PCSK2: variants seen among roughly 807,000 people sequenced by gnomAD.
PCSK2 encodes proprotein convertase subtilisin/kexin type 2, also known as neuroendocrine convertase 2.
Under a neutral mutation model 69.7 loss-of-function variants are expected in PCSK2, and 14 were observed. The ratio of observed to expected loss-of-function variants is 0.20; its 90% CI spans 0.13 to 0.31. The LOEUF (loss-of-function observed/expected upper bound fraction) is 0.31, where lower values mean the gene tolerates loss of function less well. PCSK2 is among the 10% of genes least tolerant of loss of function. PCSK2 has a pLI of 1.00. For synonymous variants in PCSK2, 307 were observed against 320.7 expected (o/e 0.96, Z 0.46); for missense variants, 544 against 842.5 (o/e 0.65, Z 4.39).
chr20:17,323,282 C>A (rs575494575), intron 2 of PCSK2, among the ~76,000 whole-genome samples: 1 of 152,164 alleles, frequency 6.6e-6, no homozygotes. Context: ...AGGACACAGA[C>A]GCACACAGAG....
intron 6 of PCSK2, among the ~76,000 whole-genome samples, chr20:17,426,185 C>T (rs1052352289): frequency 6.6e-6 from 1 of 152,016 alleles, no homozygotes; most frequent in African/African-American, 2.4e-5. Context: ...GTCAGTTTCC[C>T]CCATGCGGTT....
intron 2 of PCSK2, among the ~76,000 whole-genome samples, chr20:17,267,723 G>A (rs1291639896): frequency 6.6e-6 from 1 of 152,052 alleles, no homozygotes; most frequent in Admixed American, 6.6e-5. Flanking sequence ...CTTCCTAAAG[G>A]AAAAGTGGGA....
intron 5 of PCSK2, among the ~76,000 whole-genome samples, chr20:17,378,167 A>G (rs2123246630): frequency 6.6e-6 from 1 of 152,332 alleles, no homozygotes; most frequent in African/African-American, 2.4e-5. Context: ...ATAGGAATGC[A>G]ATAGCTAGAA....
At chr20:17,472,441 T>G (rs2033218018) in intron 11 of PCSK2, among the ~76,000 whole-genome samples, 1 of 152,128 alleles carries the variant, frequency 6.6e-6, no homozygotes, top group Non-Finnish European at 1.5e-5. Flanking sequence ...GGAGAAAACC[T>G]CACCATGGCC....
chr20:17,429,582 A>C (rs972684853), intron 7 of PCSK2, 59 bp downstream of exon 7: 1 of 1,112,026 alleles, frequency 9.0e-7, no homozygotes, highest in Non-Finnish European at 1.3e-6. Flanking sequence ...CTCAAGGCTG[A>C]CTGTGGCCCA....
intron 10 of PCSK2, chr20:17,465,087 T>C (rs2033077327): frequency 5.4e-6 from 3 of 553,738 alleles, no homozygotes; most frequent in Admixed American, 3.0e-5. Flanking sequence ...TGTGTTAGAA[T>C]AGACTTTTGA....
At chr20:17,447,929 A>G (rs954630556) in intron 8 of PCSK2, among the ~76,000 whole-genome samples, 7 of 152,214 alleles carry the variant, frequency 4.6e-5, no homozygotes, top group South Asian at 2.1e-4. Flanking sequence ...CCGTTCTTAT[A>G]CTTTGCATTT....
In PCSK2 at chr20:17,481,388, C is replaced by CAAAAAAAAAAA. The variant is rs3076146; in HGVS notation, c.1431-180_1431-170dup. ...CAGAGTGGGACCCTGTCTCAAAAGA[C>CAAAAAAAAAAA]AAAAAAAAAAAAAAAAAAAAAAAAA... On this transcript the variant is annotated intron_variant, in intron 11 of 11. Coordinates refer to ENST00000262545, the MANE Select transcript of PCSK2 (RefSeq NM_002594.5). 2.7e-4 allele frequency among the ~76,000 whole-genome samples: 18 copies of CAAAAAAAAAAA among 65,694 alleles called. 1 individual carries two copies. The highest frequency in any genetic ancestry group is 1.2e-3 in the African/African-American group (16 of 13,178). 43.1% of individuals were successfully genotyped at this position (65,694 alleles called of 152,430 possible).
intron 2 of PCSK2, among the ~76,000 whole-genome samples, chr20:17,303,420 A>G (rs1249908773): frequency 2.8e-5 from 3 of 106,976 alleles, no homozygotes; most frequent in African/African-American, 1.1e-4. Context: ...ATGTATGGTT[A>G]TATATTTTTA....
rs374013398 is a variant in PCSK2 at position 17,480,399 on chromosome 20, C to T, written c.1431-1185C>T. Reference sequence around the variant, plus strand: ...AGAGACAGGGTTTCGCCATGTTAGCCATGATGGTCTCGATCTCCTGACCTC... The same window carrying T: ...AGAGACAGGGTTTCGCCATGTTAGCTATGATGGTCTCGATCTCCTGACCTC... On this transcript the variant is annotated intron_variant, in intron 11 of 11. Coordinates refer to ENST00000262545, the MANE Select transcript of PCSK2 (RefSeq NM_002594.5). Among the ~76,000 whole-genome samples, 6 of 151,990 alleles carry T rather than the reference C, an allele frequency of 3.9e-5. No individual in the cohort carries two copies. In the East Asian group the frequency reaches 5.8e-4, roughly 15 times the overall value.
At chr20:17,462,780 A>G (rs1036938058) in intron 10 of PCSK2, among the ~76,000 whole-genome samples, 1 of 152,228 alleles carries the variant, frequency 6.6e-6, no homozygotes, top group African/African-American at 2.4e-5. Context: ...AACAGGGAAG[A>G]ACATGTCACA....
chr20:17,454,810 T>C (rs2032889365), intron 9 of PCSK2, among the ~76,000 whole-genome samples: 1 of 152,110 alleles, frequency 6.6e-6, no homozygotes, highest in Non-Finnish European at 1.5e-5. Flanking sequence ...CAGGACAAAA[T>C]CATTAGTACC....
intron 3 of PCSK2, among the ~76,000 whole-genome samples, chr20:17,359,434 T>C (rs2030316752): frequency 1.3e-5 from 2 of 152,256 alleles, no homozygotes; most frequent in African/African-American, 2.4e-5. Context: ...ACACGACTAA[T>C]GCTTCATAAT....
intron 1 of PCSK2, among the ~76,000 whole-genome samples, chr20:17,234,298 T>A (rs1318066983): frequency 2.0e-5 from 3 of 152,224 alleles, no homozygotes; most frequent in Admixed American, 6.5e-5. Context: ...CTACACACTG[T>A]TCTTCCTGCT....
At chr20:17,460,273 AAAAG>A (rs914543104) in intron 10 of PCSK2, among the ~76,000 whole-genome samples, 10 of 152,258 alleles carry the variant, frequency 6.6e-5, no homozygotes, top group South Asian at 4.1e-4. Flanking sequence ...GAAAAATAAA[AAAAG>A]AAAGAAAGAA....
At chr20:17,314,520 G>A (rs1218143548) in intron 2 of PCSK2, among the ~76,000 whole-genome samples, 1 of 152,186 alleles carries the variant, frequency 6.6e-6, no homozygotes, top group Non-Finnish European at 1.5e-5. Context: ...TACAGTTACT[G>A]CCTTGGATGT....
rs2031425932 is a variant in PCSK2, at chr20:17,393,143, T to C, written c.544-16120T>C. Among the ~76,000 whole-genome samples the C allele has an allele frequency of 2.0e-5, 3 of 152,118 alleles. No homozygotes were observed. The South Asian group carries it at 6.2e-4, about 32-fold the overall frequency. On this transcript the variant is annotated intron_variant, in intron 5 of 11. Coordinates refer to ENST00000262545, the MANE Select transcript of PCSK2 (RefSeq NM_002594.5). ...GTTCATCCCAGCTCTGTCCCCAGAA[T>C]CAGATAAGGACTCATGCTGTGAACT...
intron 8 of PCSK2, among the ~76,000 whole-genome samples, chr20:17,449,807 G>A (rs961217115): frequency 2.0e-5 from 3 of 151,338 alleles, no homozygotes; most frequent in Admixed American, 6.6e-5. Context: ...GATTACAGGC[G>A]TGAGCCACTG....
At chr20:17,271,357 G>T (rs1249200471) in intron 2 of PCSK2, among the ~76,000 whole-genome samples, 1 of 151,318 alleles carries the variant, frequency 6.6e-6, no homozygotes. Context: ...AGATTTCCCT[G>T]GTATCATGGG....
Sources: gnomAD v4.1 joint callset for allele counts (sites outside exome capture counted in the v4.1 genomes callset) on GRCh38, gnomAD v4.1.1 for gene constraint, MANE v1.5 for transcripts, NCBI Gene and HGNC (gene_info 2026-07-23, HGNC 2026-07-21) for gene names.